TCP11: variants seen among roughly 807,000 people sequenced by gnomAD.
The protein encoded by TCP11 is t-complex 11.
Under a neutral mutation model 45.0 loss-of-function variants are expected in TCP11, and 34 were observed. The observed-to-expected ratio is 0.76, with a 90% confidence interval of 0.57 to 1.01. The LOEUF (loss-of-function observed/expected upper bound fraction) is 1.01. Ranked by LOEUF, TCP11 falls within the 50% of genes least tolerant of loss-of-function variation. The pLI is 0.00. For synonymous variants in TCP11, 227 were observed against 227.0 expected, an observed-to-expected ratio of 1.00 and a Z score of 0.00; for missense variants, 523 against 598.1, an observed-to-expected ratio of 0.87 and a Z score of 1.31.
At chr6:35,121,979 G>A in intron 5 of TCP11, 138 bp downstream of exon 5, 1 of 811,220 alleles carries the variant, frequency 1.2e-6, no homozygotes, top group Non-Finnish European at 2.0e-6. Flanking sequence ...GAATTGACCA[G>A]AGGGGAGAAA....
intron 5 of TCP11, 115 bp downstream of exon 5, chr6:35,121,998 TAGTC>T (rs1280951531): frequency 5.3e-6 from 5 of 934,800 alleles, no homozygotes; most frequent in Non-Finnish European, 8.4e-6. Flanking sequence ...AAAAGGGTGT[TAGTC>T]AGGTCTTTAG....
chr6:35,136,302 T>C, intron 2 of TCP11, 84 bp from the exon 3 acceptor site: 1 of 1,004,786 alleles, frequency 1.0e-6, no homozygotes, highest in Admixed American at 2.2e-5. Context: ...GCCCCAAATT[T>C]AGATTAATCA....
intron 2 of TCP11, 61 bp from the exon 3 acceptor site, chr6:35,136,279 C>A: frequency 7.4e-7 from 1 of 1,343,450 alleles, no homozygotes; most frequent in South Asian, 1.2e-5. Flanking sequence ...CAGAGATTCA[C>A]TCAATCTAGT....
rs769613866 is a variant in TCP11, at chr6:35,119,326, T to G, written c.1181A>C (p.Asn394Thr). 6.2e-7 allele frequency: 1 copy of G among 1,614,218 alleles called. No homozygotes were observed. Reference protein sequence around the residue: ...VSQEIHQSLKNMGLVALSSDN... With the variant: ...VSQEIHQSLKTMGLVALSSDN... ...ACTGCTTAGAGCAACAAGGCCCATATTCTTGAGGCTTTGATGGATTTCCTG... is the reference window on the plus strand; with the variant it reads ...ACTGCTTAGAGCAACAAGGCCCATAGTCTTGAGGCTTTGATGGATTTCCTG... Residue 394 changes from asparagine to threonine, a missense_variant, in exon 9 of 10, where the codon AAT becomes ACT. Transcript: ENST00000311875.
In TCP11 at chr6:35,118,314, G is replaced by T. The variant is rs1778843555; in HGVS notation, c.1467C>A (p.Leu489=). ...GPYYTEILKT[L]ISPAQALETK... ...TTTCCAGTGCCTGGGCTGGGGAAATGAGGGTTTTTAGGATCTCAGTGTAGT... is the reference window on the plus strand; with the variant it reads ...TTTCCAGTGCCTGGGCTGGGGAAATTAGGGTTTTTAGGATCTCAGTGTAGT... The change falls in exon 10 of 10, where the codon CTC becomes CTA. Residue 489 remains leucine (L), a synonymous_variant. Transcript: ENST00000311875. 1 of 1,614,062 alleles carries T rather than the reference G, an allele frequency of 6.2e-7. No homozygotes were observed. Among genetic ancestry groups the T allele is most frequent in the Admixed American group, 1.7e-5 (1 of 59,998 alleles).
intron 2 of TCP11, among the ~76,000 whole-genome samples, chr6:35,138,182 TCC>T (rs1398690876): frequency 1.3e-5 from 2 of 152,140 alleles, no homozygotes; most frequent in Non-Finnish European, 2.9e-5. Context: ...GTTTGGAGGT[TCC>T]TCAAAAACCT....
At chr6:35,141,171 G>A (rs754261184) in intron 1 of TCP11, 34 bp downstream of exon 1, 1 of 1,325,114 alleles carries the variant, frequency 7.5e-7, no homozygotes, top group Non-Finnish European at 9.6e-7. Flanking sequence ...CCGAAACGCC[G>A]GCCCAGGCCC....
At chr6:35,140,973 G>A in intron 1 of TCP11, 89 bp from the exon 2 acceptor site, 2 of 1,418,514 alleles carry the variant, frequency 1.4e-6, no homozygotes, top group South Asian at 3.1e-5. Context: ...GGGAAGGGGG[G>A]TAGCGGCCTC....
At chr6:35,139,200 A>AT (rs1446745653) in intron 2 of TCP11, among the ~76,000 whole-genome samples, 2 of 142,398 alleles carry the variant, frequency 1.4e-5, no homozygotes, top group African/African-American at 5.6e-5. Flanking sequence ...CAGCTAGTTT[A>AT]TAAAAAAAAA....
At chr6:35,131,848 C>T (rs947902814) in intron 3 of TCP11, among the ~76,000 whole-genome samples, 16 of 152,142 alleles carry the variant, frequency 1.1e-4, no homozygotes, top group South Asian at 2.1e-4. Context: ...GTGATCCACT[C>T]GCCTCGGCCT....
chr6:35,137,308 C>A (rs891337385), intron 2 of TCP11, among the ~76,000 whole-genome samples: 1 of 122,934 alleles, frequency 8.1e-6, no homozygotes. Context: ...TTTAGGAATT[C>A]ACAGACTAAT....
chr6:35,136,575 C>T (rs1258260582), intron 2 of TCP11, among the ~76,000 whole-genome samples: 1 of 89,778 alleles, frequency 1.1e-5, no homozygotes, highest in Non-Finnish European at 2.2e-5. Flanking sequence ...TAAGGTTCCA[C>T]GTTCCTTTTC....
chr6:35,122,222 T>G lies in TCP11; in HGVS notation c.473A>C (p.Tyr158Ser). The change falls in exon 5 of 10, where the codon TAT becomes TCT. Residue 158 changes from tyrosine (Y) to serine (S), a missense_variant. Transcript: ENST00000311875. ...EAEHGALKVL[Y>S]LSKYVLNMMA... ...CATGTTGAGAACGTACTTAGAGAGA[T>G]AGAGGACTTTCAGGGCCCCATGTTC... 6.2e-7 allele frequency: 1 copy of G among 1,614,166 alleles called. No individual in the cohort carries two copies.
rs1779145076 is a variant in TCP11 at position 35,120,731 on chromosome 6, C to T, written c.716-85G>A. On this transcript the variant is annotated intron_variant, in intron 6 of 9. Transcript: ENST00000311875. The surrounding 1 kb of genome is among the most constrained non-coding windows in gnomAD (Gnocchi z 4.9). ...ACCAAGGTTCTTTTCAAGTATACTC[C>T]TGGTCAATAAATAAATGCTTTGAGG... The T allele has an allele frequency of 7.0e-7, 1 of 1,436,448 alleles. No individual in the cohort carries two copies. Among genetic ancestry groups the T allele is most frequent in the Non-Finnish European group, 9.5e-7 (1 of 1,053,828 alleles). The allele number at this position is 1,436,448 out of a possible 1,614,324, so 89.0% of individuals were successfully genotyped here. A position where few individuals can be genotyped will look rare whatever the true frequency, so the allele number is the denominator to read the frequency against.
In TCP11 at chr6:35,120,208, C is replaced by T. The variant is rs1443317790; in HGVS notation, c.1066G>A (p.Asp356Asn). The T allele has an allele frequency of 1.2e-6, 2 of 1,614,096 alleles. No individual in the cohort carries two copies. The highest frequency in any genetic ancestry group is 1.7e-6 in the Non-Finnish European group (2 of 1,180,034). The change falls in exon 8 of 10, where the codon GAT becomes AAT. Residue 356 changes from aspartate to asparagine, a missense_variant. Coordinates refer to ENST00000311875, the MANE Select transcript of TCP11 (RefSeq NM_001370687.1). This position sits in a 1 kb window ranked among gnomAD's most constrained non-coding sequence, Gnocchi z 4.9. ...GATTTGGTTATGCGTTTCAGTTTAT[C>T]TACAAATTGGGGTGAGCCAAACAAA... ...SVLFGSPQFV[D>N]KLKRITKSLL... is the part of the protein sequence containing the mutation.
intron 5 of TCP11, among the ~76,000 whole-genome samples, 180 bp from the exon 6 acceptor site, chr6:35,121,225 T>C (rs530981191): frequency 7.9e-5 from 12 of 152,240 alleles, no homozygotes; most frequent in African/African-American, 2.6e-4. Context: ...AGTGGCAGAA[T>C]TGGGAACAGC....
At chr6:35,140,578 G>T (rs1003483100) in intron 2 of TCP11, 169 bp downstream of exon 2, 1 of 687,048 alleles carries the variant, frequency 1.5e-6, no homozygotes, top group Non-Finnish European at 2.7e-6. Flanking sequence ...AAAACTCTTT[G>T]AAGACCTCTG....
chr6:35,126,621 A>G (rs1779843557), intron 4 of TCP11, among the ~76,000 whole-genome samples: 1 of 150,744 alleles, frequency 6.6e-6, no homozygotes, highest in South Asian at 2.1e-4. Context: ...TTGGTCTTAC[A>G]GGATGCAATA....
chr6:35,124,408 C>A (rs1349747100), intron 4 of TCP11, among the ~76,000 whole-genome samples: 1 of 152,282 alleles, frequency 6.6e-6, no homozygotes, highest in East Asian at 1.9e-4. Context: ...GAATTGGGAG[C>A]AAATCTATTC....
Sources: allele counts gnomAD v4.1 joint callset (sites outside exome capture counted in the v4.1 genomes callset), GRCh38; gene constraint gnomAD v4.1.1; non-coding constraint Gnocchi (gnomAD v3.1); transcripts MANE v1.5; gene names NCBI Gene and HGNC (gene_info 2026-07-23, HGNC 2026-07-21).